ARHGAP35: variants seen among roughly 807,000 people sequenced by gnomAD.
ARHGAP35 encodes the protein Rho GTPase activating protein 35, also known as rho GTPase-activating protein 35.
Under a neutral mutation model 111.1 loss-of-function variants are expected in ARHGAP35, and 15 were observed. That is an observed-to-expected ratio of 0.13 (90% confidence interval 0.09 to 0.21). The LOEUF (loss-of-function observed/expected upper bound fraction) is 0.21, where lower values mean the gene tolerates loss of function less well. ARHGAP35 is among the 10% of genes least tolerant of loss of function. ARHGAP35 has a pLI of 1.00. For synonymous variants in ARHGAP35, 643 were observed against 710.3 expected, an observed-to-expected ratio of 0.91 and a Z score of 1.51; for missense variants, 1,262 against 1,873.0, an observed-to-expected ratio of 0.67 and a Z score of 6.02.
chr19:46,942,993 C>T (rs1190624562), intron 3 of ARHGAP35, among the ~76,000 whole-genome samples: 1 of 151,812 alleles, frequency 6.6e-6, no homozygotes, highest in Non-Finnish European at 1.5e-5. Context: ...CCTCTTTAGG[C>T]CCTTGCCGTC....
intron 1 of ARHGAP35, among the ~76,000 whole-genome samples, chr19:46,885,612 T>C (rs2055989719): frequency 6.6e-6 from 1 of 152,082 alleles, no homozygotes; most frequent in African/African-American, 2.4e-5. Flanking sequence ...CATTGGGAAA[T>C]GTTTCTCTCA....
chr19:46,897,538 T>G (rs1457192351), intron 1 of ARHGAP35, among the ~76,000 whole-genome samples: 1 of 151,960 alleles, frequency 6.6e-6, no homozygotes, highest in Non-Finnish European at 1.5e-5. Context: ...ACTTAGAGAT[T>G]TGTCTAAACA....
chr19:46,943,937 G>A (rs1267117434), intron 3 of ARHGAP35, among the ~76,000 whole-genome samples: 1 of 152,058 alleles, frequency 6.6e-6, no homozygotes, highest in African/African-American at 2.4e-5. Flanking sequence ...GGAGGAGGGT[G>A]GCATAGCCAT....
intron 1 of ARHGAP35, among the ~76,000 whole-genome samples, chr19:46,862,282 C>T (rs983460435): frequency 1.3e-5 from 2 of 152,160 alleles, no homozygotes; most frequent in African/African-American, 2.4e-5. Context: ...AGACTGCCTT[C>T]AGTTTCAGCC....
chr19:46,897,449 T>C (rs1271820744), intron 1 of ARHGAP35, among the ~76,000 whole-genome samples: 3 of 141,324 alleles, frequency 2.1e-5, no homozygotes, highest in Non-Finnish European at 3.0e-5. Flanking sequence ...TATTTTGTCT[T>C]TTTTTTTTTT....
chr19:46,919,702 G>T lies in ARHGAP35; in HGVS notation c.1027G>T (p.Ala343Ser). ...GCGTAGGAGAAAGCTGTACCTGGCA[G>T]CCCTGCCATTAGCTTTTGAAGCTCT... The part of the protein sequence containing the change: ...IERRRKLYLA[A>S]LPLAFEALIP... The change falls in exon 2 of 7, where the codon GCC becomes TCC. Residue 343 changes from alanine (A) to serine (S), a missense_variant. Transcript: ENST00000672722. The surrounding 1 kb of genome is among the most constrained non-coding windows in gnomAD (Gnocchi z 6.2). The T allele has an allele frequency of 4.3e-6, 7 of 1,613,964 alleles. No individual in the cohort carries two copies. The highest frequency in any genetic ancestry group is 5.9e-6 in the Non-Finnish European group (7 of 1,179,874).
intron 2 of ARHGAP35, among the ~76,000 whole-genome samples, chr19:46,936,881 C>A (rs1049566974): frequency 6.9e-6 from 1 of 144,392 alleles, no homozygotes; most frequent in African/African-American, 2.6e-5. Flanking sequence ...ACTCTGTCAT[C>A]CAGGCTGGAA....
intron 1 of ARHGAP35, among the ~76,000 whole-genome samples, chr19:46,896,164 G>A (rs965236447): frequency 1.3e-5 from 2 of 152,208 alleles, no homozygotes; most frequent in South Asian, 2.1e-4. Context: ...AAGCACTTTG[G>A]GAGGCCTAGG....
At chr19:46,949,793 T>A (rs997614109) in intron 3 of ARHGAP35, among the ~76,000 whole-genome samples, 7 of 152,236 alleles carry the variant, frequency 4.6e-5, no homozygotes, top group Admixed American at 3.9e-4. Context: ...CTGTTTGTAA[T>A]GTTCTTGGAG....
rs2122333434 is a variant in ARHGAP35 at position 46,986,781 on chromosome 19, AG to A, written c.3827-1207del. ...AATACCTATTTCCAGTAATCTGTTA[AG>A]CTTTTACTAGTTGTCAAAAAAACAT... is the stretch of plus-strand genomic sequence containing the variant. On this transcript the variant is annotated intron_variant, in intron 3 of 6. Transcript: ENST00000672722. The surrounding 1 kb of genome is among the most constrained non-coding windows in gnomAD (Gnocchi z 4.3). Among the ~76,000 whole-genome samples, 1 of 152,372 alleles carries A rather than the reference AG, an allele frequency of 6.6e-6. No homozygotes were observed. The highest frequency in any genetic ancestry group is 1.5e-5 in the Non-Finnish European group (1 of 68,034).
rs1568488590 is a variant in ARHGAP35, at chr19:46,988,077, G to A, written c.3904+11G>A. ...GACAGTTTGATCAAGGTAAAGTGCA[G>A]CCTGGCCAGGCATCCGAGGCCAGAG... On this transcript the variant is annotated intron_variant, in intron 4 of 6. Transcript: ENST00000672722. The surrounding 1 kb of genome is among the most constrained non-coding windows in gnomAD (Gnocchi z 5.4). 1.9e-6 allele frequency: 3 copies of A among 1,612,754 alleles called. No individual in the cohort carries two copies. Among genetic ancestry groups the A allele is most frequent in the Non-Finnish European group, 2.5e-6 (3 of 1,179,366 alleles).
rs756658234 is a variant in ARHGAP35 at position 46,920,653 on chromosome 19, G to A, written c.1978G>A (p.Gly660Ser). ...SFQTPTFQPH[G>S]CLCLYNSKES... ...CCAGACGCCAACATTTCAGCCCCAC[G>A]GCTGTCTCTGCCTTTACAATTCAAA... The change falls in exon 2 of 7, where the codon GGC (glycine) becomes AGC (serine). Residue 660 changes from glycine (G) to serine (S), a missense_variant. Gly to Ser is a moderately conservative substitution (Grantham distance 56). Transcript: ENST00000672722. The surrounding 1 kb of genome is among the most constrained non-coding windows in gnomAD (Gnocchi z 7.0). The A allele has an allele frequency of 3.1e-6, 5 of 1,613,836 alleles. No homozygotes were observed. Among genetic ancestry groups the A allele is most frequent in the East Asian group, 2.2e-5 (1 of 44,896 alleles).
chr19:46,906,516 G>A (rs1178668156), intron 1 of ARHGAP35, among the ~76,000 whole-genome samples: 1 of 152,176 alleles, frequency 6.6e-6, no homozygotes, highest in African/African-American at 2.4e-5. Flanking sequence ...TGTAGAAGGG[G>A]GAGATTGTAT....
intron 5 of ARHGAP35, among the ~76,000 whole-genome samples, chr19:46,991,464 C>T (rs1311233928): frequency 2.0e-5 from 3 of 152,170 alleles, no homozygotes; most frequent in African/African-American, 7.2e-5. Context: ...AGGGAATCAG[C>T]CACCCTTCCC....
chr19:46,870,306 C>T (rs548098053), intron 1 of ARHGAP35, among the ~76,000 whole-genome samples: 10 of 150,712 alleles, frequency 6.6e-5, no homozygotes, highest in Admixed American at 6.6e-5. Flanking sequence ...GGGCTGGGCA[C>T]GGTGGCTCAT....
At chr19:46,916,349 CT>C (rs950197458) in intron 1 of ARHGAP35, among the ~76,000 whole-genome samples, 1 of 140,128 alleles carries the variant, frequency 7.1e-6, no homozygotes, top group Non-Finnish European at 1.5e-5. Flanking sequence ...ACTGGCAGTG[CT>C]TTTTTTTGCG....
chr19:46,970,003 G>T (rs550817437), intron 3 of ARHGAP35, among the ~76,000 whole-genome samples: 2 of 152,236 alleles, frequency 1.3e-5, no homozygotes, highest in Non-Finnish European at 2.9e-5. Flanking sequence ...TGAGGAATTG[G>T]GGCAAAGACT....
chr19:46,932,931 G>A (rs73567921), intron 2 of ARHGAP35, among the ~76,000 whole-genome samples: 480 of 152,126 alleles, frequency 3.2e-3, no homozygotes, highest in African/African-American at 0.011. Context: ...CTCTCTTATC[G>A]CTCCCAATGT....
intron 5 of ARHGAP35, among the ~76,000 whole-genome samples, chr19:46,996,419 G>T (rs941926603): frequency 3.3e-5 from 5 of 151,988 alleles, no homozygotes; most frequent in African/African-American, 1.2e-4. Context: ...TATTATCAAT[G>T]CAGGCTTTGT....
Sources: gnomAD v4.1 joint callset for allele counts (sites outside exome capture counted in the v4.1 genomes callset) on GRCh38, gnomAD v4.1.1 for gene constraint, Gnocchi (gnomAD v3.1) non-coding constraint, MANE v1.5 for transcripts, NCBI Gene and HGNC (gene_info 2026-07-23, HGNC 2026-07-21) for gene names.